The following ATG5 variants were observed in gnomAD, a reference collection of about 807,000 sequenced individuals.
ATG5 encodes autophagy protein 5.
A neutral mutation model predicts 36.5 loss-of-function variants in ATG5; 14 were observed. The observed-to-expected ratio is 0.38, with a 90% CI of 0.25 to 0.60. The LOEUF (loss-of-function observed/expected upper bound fraction) is 0.60, where lower values mean the gene tolerates loss of function less well. ATG5 is among the 20% of genes least tolerant of loss of function. The probability of loss-of-function intolerance (pLI) is 0.60; values close to 1 mark genes in which losing one functional copy is unlikely to be tolerated. For missense variants in ATG5, 195 were observed against 326.7 expected (o/e 0.60, Z 3.11); for synonymous variants, 95 against 101.5 (o/e 0.94, Z 0.38).
At chr6:106,324,539 T>C (rs973699363) in intron 1 of ATG5, among the ~76,000 whole-genome samples, 3 of 152,200 alleles carry the variant, frequency 2.0e-5, no homozygotes, top group African/African-American at 7.2e-5. Context: ...TTTATTCTTT[T>C]GTTTACTATT....
chr6:106,304,720 A>G (rs184746873), intron 3 of ATG5, among the ~76,000 whole-genome samples: 4 of 152,326 alleles, frequency 2.6e-5, no homozygotes, highest in East Asian at 3.9e-4. Context: ...GTGAAATTAA[A>G]TATCTTATTA....
At chr6:106,271,857 T>A (rs1449983287) in intron 5 of ATG5, 2 of 152,240 alleles carry the variant, frequency 1.3e-5, no homozygotes, top group African/African-American at 4.8e-5. Flanking sequence ...TCTACACTTT[T>A]AAAAGCTATG....
intron 6 of ATG5, among the ~76,000 whole-genome samples, chr6:106,245,343 T>C (rs2114505185): frequency 6.6e-6 from 1 of 152,316 alleles, no homozygotes; most frequent in African/African-American, 2.4e-5. Context: ...TAGGCTCCTA[T>C]CAACTTATTT....
At chr6:106,313,511 T>C (rs1166887408) in intron 2 of ATG5, among the ~76,000 whole-genome samples, 1 of 152,230 alleles carries the variant, frequency 6.6e-6, no homozygotes, top group Non-Finnish European at 1.5e-5. Context: ...TGTGTTTTTA[T>C]ACTGGATAAT....
intron 3 of ATG5, among the ~76,000 whole-genome samples, chr6:106,306,041 G>A (rs1025911553): frequency 3.9e-5 from 6 of 152,146 alleles, no homozygotes; most frequent in African/African-American, 1.2e-4. Flanking sequence ...AACTGTGGAA[G>A]TGATATAACA....
chr6:106,232,077 G>A (rs929973013), intron 6 of ATG5, among the ~76,000 whole-genome samples: 4 of 152,202 alleles, frequency 2.6e-5, no homozygotes, highest in African/African-American at 7.2e-5. Flanking sequence ...CTCTGAGTCA[G>A]AAGCCACTAA....
chr6:106,296,869 T>C (rs1379398694), intron 3 of ATG5, among the ~76,000 whole-genome samples: 5 of 152,158 alleles, frequency 3.3e-5, no homozygotes, highest in Non-Finnish European at 5.9e-5. Flanking sequence ...TTTTTAGCTA[T>C]CATTAACACA....
intron 1 of ATG5, among the ~76,000 whole-genome samples, chr6:106,317,554 T>C (rs969525742): frequency 2.6e-5 from 4 of 152,188 alleles, no homozygotes; most frequent in Non-Finnish European, 4.4e-5. Flanking sequence ...ATAAAAGTAC[T>C]AGGCAACAAG....
chr6:106,247,817 C>A (rs1213633819), intron 6 of ATG5, among the ~76,000 whole-genome samples: 1 of 152,204 alleles, frequency 6.6e-6, no homozygotes, highest in African/African-American at 2.4e-5. Flanking sequence ...TTTGATCAAC[C>A]TCTGCTGGGA....
At chr6:106,312,494 C>T (rs1770684967) in intron 2 of ATG5, among the ~76,000 whole-genome samples, 1 of 151,480 alleles carries the variant, frequency 6.6e-6, no homozygotes, top group African/African-American at 2.4e-5. Context: ...GATATAAATG[C>T]TTGACAAAGA....
chr6:106,265,300 T>C (rs1779187297), intron 5 of ATG5, among the ~76,000 whole-genome samples: 1 of 151,936 alleles, frequency 6.6e-6, no homozygotes, highest in African/African-American at 2.4e-5. Flanking sequence ...CAACAAGAGC[T>C]AACTATCCTA....
At chr6:106,227,572 G>GGA (rs145858691) in intron 6 of ATG5, among the ~76,000 whole-genome samples, 9,063 of 152,194 alleles carry the variant, frequency 0.06, 362 homozygotes, top group South Asian at 0.13. Context: ...CTCTTGCAGT[G>GGA]GAGACCCTGT....
chr6:106,262,094 G>A (rs553226826), intron 5 of ATG5, among the ~76,000 whole-genome samples: 3 of 152,140 alleles, frequency 2.0e-5, no homozygotes, highest in Non-Finnish European at 2.9e-5. Flanking sequence ...CTGATCTAGG[G>A]CAGAGTCTCG....
chr6:106,295,288 T>G (rs1424396609), intron 3 of ATG5, among the ~76,000 whole-genome samples: 2 of 152,332 alleles, frequency 1.3e-5, no homozygotes, highest in South Asian at 2.1e-4. Context: ...AATTAAAGTT[T>G]TATTCACTTG....
chr6:106,221,234 C>T (rs998968099), intron 6 of ATG5, among the ~76,000 whole-genome samples: 5 of 152,136 alleles, frequency 3.3e-5, no homozygotes, highest in African/African-American at 1.2e-4. Context: ...ATAAACCAGG[C>T]AGTAGACTTA....
intron 4 of ATG5, among the ~76,000 whole-genome samples, chr6:106,284,557 G>A (rs1435536624): frequency 1.6e-5 from 2 of 127,968 alleles, no homozygotes; most frequent in Non-Finnish European, 3.4e-5. Context: ...TTCTCGTTAT[G>A]TTGACCACAC....
At chr6:106,215,464 T>A (rs1461713289) in intron 6 of ATG5, among the ~76,000 whole-genome samples, 2 of 152,220 alleles carry the variant, frequency 1.3e-5, no homozygotes, top group African/African-American at 4.8e-5. Context: ...AAATTTATTC[T>A]ACTAAAGTAA....
Position 106,286,150 on chromosome 6 carries a change from T to TA in ATG5, c.316-6328dup, listed in dbSNP as rs555017564. Among the ~76,000 whole-genome samples, 375 of 152,302 alleles carry TA rather than the reference T, an allele frequency of 2.5e-3. 1 individual carries two copies. Among genetic ancestry groups the TA allele is most frequent in the African/African-American group, 8.5e-3 (354 of 41,570 alleles). ...CAAGCACCCAGGGAGAACATACACG[T>TA]ACACTTTGGCTCCTCCTTCTCTGAT... is the stretch of plus-strand genomic sequence containing the variant. On this transcript the variant is annotated intron_variant, in intron 4 of 7. Coordinates refer to ENST00000369076, the MANE Select transcript of ATG5 (RefSeq NM_004849.4).
chr6:106,239,976 CA>C (rs1211316405), intron 6 of ATG5, among the ~76,000 whole-genome samples: 2 of 152,006 alleles, frequency 1.3e-5, no homozygotes, highest in African/African-American at 4.8e-5. Flanking sequence ...CTATCTCACA[CA>C]ACACATTGTG....
Sources: gnomAD v4.1 joint callset for allele counts (sites outside exome capture counted in the v4.1 genomes callset) on GRCh38, gnomAD v4.1.1 for gene constraint, MANE v1.5 for transcripts, NCBI Gene and HGNC (gene_info 2026-07-23, HGNC 2026-07-21) for gene names.